ZBTB20: variants seen among roughly 807,000 people sequenced by gnomAD.
ZBTB20 encodes the protein zinc finger and BTB domain containing 20.
A neutral mutation model predicts 56.9 loss-of-function variants in ZBTB20; 9 were observed. That is an observed-to-expected ratio of 0.16 (90% CI 0.10 to 0.28). The LOEUF (loss-of-function observed/expected upper bound fraction) is 0.28. ZBTB20 is among the 10% of genes least tolerant of loss of function. The pLI, the probability that ZBTB20 is intolerant of heterozygous loss-of-function variation, is 1.00. For missense variants in ZBTB20, 655 were observed against 1,003.0 expected (o/e 0.65, Z 4.69); for synonymous variants, 417 against 420.7 (o/e 0.99, Z 0.11).
At chr3:114,533,139 G>A (rs913396935) in intron 6 of ZBTB20, among the ~76,000 whole-genome samples, 7 of 152,090 alleles carry the variant, frequency 4.6e-5, no homozygotes, top group African/African-American at 1.7e-4. Context: ...TGGAGAATGA[G>A]TTTGAGGAAT....
intron 6 of ZBTB20, among the ~76,000 whole-genome samples, chr3:114,556,633 T>A (rs867958968): frequency 6.6e-6 from 1 of 152,102 alleles, no homozygotes; most frequent in Non-Finnish European, 1.5e-5. Flanking sequence ...TATGAAATCA[T>A]TACAGTTATG....
chr3:114,847,764 A>G (rs1027758095), intron 4 of ZBTB20, among the ~76,000 whole-genome samples: 1 of 152,172 alleles, frequency 6.6e-6, no homozygotes, highest in Admixed American at 6.5e-5. Context: ...CACTTGTGCA[A>G]TAACACAGTA....
At chr3:114,572,003 T>C (rs867674588) in intron 6 of ZBTB20, among the ~76,000 whole-genome samples, 2 of 151,942 alleles carry the variant, frequency 1.3e-5, no homozygotes, top group African/African-American at 2.4e-5. Context: ...CTAATAATAA[T>C]GGCCCAAGGG....
chr3:114,645,435 C>T (rs2059785080), intron 6 of ZBTB20, among the ~76,000 whole-genome samples: 1 of 152,092 alleles, frequency 6.6e-6, no homozygotes, highest in Non-Finnish European at 1.5e-5. Context: ...ACCTTCTTCC[C>T]AATCACTCGA....
chr3:114,765,681 T>C (rs2068738341), intron 5 of ZBTB20, among the ~76,000 whole-genome samples: 1 of 152,170 alleles, frequency 6.6e-6, no homozygotes, highest in African/African-American at 2.4e-5. Context: ...GAAATCATCA[T>C]GTAAAGACTA....
chr3:114,944,687 G>A (rs769022090), intron 3 of ZBTB20, among the ~76,000 whole-genome samples: 3 of 145,518 alleles, frequency 2.1e-5, no homozygotes, highest in Admixed American at 1.3e-4. Flanking sequence ...AACAACATAC[G>A]TGGACCTGGA....
At position 114,638,211 on chromosome 3, in the gene ZBTB20, G is replaced by A. The variant is rs1053709086; in HGVS notation, c.-295+55317C>T. 4.0e-5 allele frequency among the ~76,000 whole-genome samples: 6 copies of A among 151,606 alleles called. No homozygotes were observed. The South Asian group carries it at 1.0e-3, about 26-fold the overall frequency. ...GTTTCTGAGAAAGCTTTTTTTTTCC[G>A]TTACAAAGAGGAAGGTAAAAGGCAA... On this transcript the variant is annotated intron_variant, in intron 6 of 11. Transcript: ENST00000675478.
At chr3:115,027,251 C>G (rs1212955859) in intron 2 of ZBTB20, among the ~76,000 whole-genome samples, 1 of 150,838 alleles carries the variant, frequency 6.6e-6, no homozygotes, top group Non-Finnish European at 1.5e-5. Flanking sequence ...TAGCTTTTAC[C>G]TTTCTGACAC....
At chr3:114,348,657 A>G (rs1240930609) in intron 11 of ZBTB20, among the ~76,000 whole-genome samples, 1 of 152,208 alleles carries the variant, frequency 6.6e-6, no homozygotes, top group Non-Finnish European at 1.5e-5. Flanking sequence ...TTACCCTGCA[A>G]AGAAGGCAAA....
At chr3:114,827,492 A>G (rs775823288) in intron 4 of ZBTB20, among the ~76,000 whole-genome samples, 1 of 151,844 alleles carries the variant, frequency 6.6e-6, no homozygotes, top group Non-Finnish European at 1.5e-5. Flanking sequence ...AAGCAAAAAC[A>G]AAAATCATGA....
At chr3:114,791,550 A>C (rs973198531) in intron 5 of ZBTB20, 1 of 152,126 alleles carries the variant, frequency 6.6e-6, no homozygotes, top group African/African-American at 2.4e-5. Context: ...GCCAACCCTA[A>C]CCTAGAGAAG....
chr3:114,482,812 T>G (rs2109383522), intron 7 of ZBTB20, among the ~76,000 whole-genome samples: 1 of 152,304 alleles, frequency 6.6e-6, no homozygotes, highest in African/African-American at 2.4e-5. Flanking sequence ...ATCAAGGACT[T>G]TTAAAAATTA....
intron 2 of ZBTB20, among the ~76,000 whole-genome samples, chr3:114,996,322 A>G (rs940188939): frequency 2.0e-5 from 3 of 151,804 alleles, no homozygotes; most frequent in Admixed American, 1.3e-4. Flanking sequence ...CCTGTCATCT[A>G]CATGAGGTAT....
intron 5 of ZBTB20, among the ~76,000 whole-genome samples, chr3:114,706,436 CAT>C (rs1215391212): frequency 6.6e-6 from 1 of 152,032 alleles, no homozygotes; most frequent in Non-Finnish European, 1.5e-5. Flanking sequence ...TTGGTGATCA[CAT>C]GTGTTCCATG....
chr3:115,040,995 C>T (rs890651062), intron 2 of ZBTB20, among the ~76,000 whole-genome samples: 1 of 152,078 alleles, frequency 6.6e-6, no homozygotes, highest in African/African-American at 2.4e-5. Flanking sequence ...ACTATTTAGA[C>T]TGATTGGCAT....
intron 6 of ZBTB20, among the ~76,000 whole-genome samples, chr3:114,630,703 AACGTCTCCCT>A (rs2058893829): frequency 6.6e-6 from 1 of 152,214 alleles, no homozygotes; most frequent in South Asian, 2.1e-4. Flanking sequence ...TTCTTTCTGC[AACGTCTCCCT>A]ACCTTCTCTA....
chr3:114,700,081 C>G lies in ZBTB20; in HGVS notation c.-342-6506G>C, dbSNP rs368646406. 1.7e-4 allele frequency among the ~76,000 whole-genome samples: 26 copies of G among 152,002 alleles called. No individual in the cohort carries two copies. In the East Asian group the frequency reaches 1.7e-3, roughly 10 times the overall value. On this transcript the variant is annotated intron_variant, in intron 5 of 11. Transcript: ENST00000675478. ...TACTTTTTTTTATCTTAAATGTGAG[C>G]CTACTGTTCAAATTGTTGCTTCTCC...
At chr3:115,144,570 C>T (rs1044123493) in intron 1 of ZBTB20, among the ~76,000 whole-genome samples, 2 of 152,078 alleles carry the variant, frequency 1.3e-5, no homozygotes, top group East Asian at 3.8e-4. Flanking sequence ...CTAAACACCC[C>T]CTTCCCCAAT....
chr3:114,383,843 C>T (rs2108559758), intron 8 of ZBTB20, among the ~76,000 whole-genome samples: 1 of 152,348 alleles, frequency 6.6e-6, no homozygotes. Flanking sequence ...AAAGAATAAG[C>T]CCTGTCATAA....
Sources: gnomAD v4.1 joint callset for allele counts (sites outside exome capture counted in the v4.1 genomes callset) on GRCh38, gnomAD v4.1.1 for gene constraint, MANE v1.5 for transcripts, NCBI Gene and HGNC (gene_info 2026-07-23, HGNC 2026-07-21) for gene names.